Variants in SHANK1 observed in about 807,000 individuals in gnomAD.
The protein encoded by SHANK1 is SH3 and multiple ankyrin repeat domains 1.
In SHANK1, 35 loss-of-function variants were observed where a neutral mutation model predicts 165.6. That is an observed-to-expected ratio of 0.21 (90% CI 0.16 to 0.28). The LOEUF is 0.28. Among genes scored for constraint, SHANK1 ranks in the 10% least tolerant of loss-of-function variants. The probability of loss-of-function intolerance (pLI) is 1.00; values close to 1 mark genes in which losing one functional copy is unlikely to be tolerated. For synonymous variants in SHANK1, 1,428 were observed against 1,384.8 expected (o/e 1.03, Z -0.69); for missense variants, 2,681 against 3,036.4 (o/e 0.88, Z 2.75).
At chr19:50,673,095 A>T (rs1362268865) in intron 21 of SHANK1, among the ~76,000 whole-genome samples, 1 of 152,096 alleles carries the variant, frequency 6.6e-6, no homozygotes, top group Admixed American at 6.6e-5. Context: ...GGAGCAGCCC[A>T]CAGCCCACGA....
chr19:50,691,357 C>G (rs1986532794), intron 15 of SHANK1, among the ~76,000 whole-genome samples: 1 of 152,088 alleles, frequency 6.6e-6, no homozygotes, highest in Non-Finnish European at 1.5e-5. Context: ...TCTCCAAGGC[C>G]CCCCAGCAGC....
In SHANK1 at chr19:50,672,073, C is replaced by A. The variant is rs1413270409; in HGVS notation, c.2619G>T (p.Glu873Asp). Residue 873 changes from glutamate to aspartate, a missense_variant, in exon 22 of 24, where the codon GAG becomes GAT. Physicochemically the swap from Glu to Asp is conservative, Grantham distance 45. Coordinates refer to ENST00000293441, the MANE Select transcript of SHANK1 (RefSeq NM_016148.5). ...DPHHRAQPSYERPSFLPPGPG... is the reference protein window; with the variant it reads ...DPHHRAQPSYDRPSFLPPGPG... ...GTCCTGGAGGCAGGAAAGAAGGACG[C>A]TCGTAACTTGGCTGGGCACGGTGGT... 3 of 1,613,894 alleles carry A rather than the reference C, an allele frequency of 1.9e-6. No homozygotes were observed. The highest frequency in any genetic ancestry group is 3.3e-4 in the Middle Eastern group (2 of 6,084).
chr19:50,692,132 A>C (rs1204002441), intron 15 of SHANK1, among the ~76,000 whole-genome samples: 1 of 152,084 alleles, frequency 6.6e-6, no homozygotes, highest in Non-Finnish European at 1.5e-5. Flanking sequence ...ACAGCACCGA[A>C]ATACCTTGAG....
rs1265020830 is a variant in SHANK1, at chr19:50,661,890, A to AGTCAGGG, written c.*68_*74dup. On this transcript the variant is annotated 3_prime_UTR_variant, in exon 24 of 24. Transcript: ENST00000293441. ...GTCCCTGGCCCGGGGAGAGAATGAC[A>AGTCAGGG]GTCAGGGGTCAGAGGTCAAGAGGCC... 1.4e-5 allele frequency: 21 copies of AGTCAGGG among 1,506,126 alleles called. No homozygotes were observed. In the African/African-American group the frequency reaches 2.9e-4, roughly 21 times the overall value. The allele number at this position is 1,506,126 out of a possible 1,614,324, so 93.3% of individuals were successfully genotyped here.
rs1017341225 is a variant in SHANK1 at position 50,704,257 on chromosome 19, G to A, written c.1156-71C>T. On this transcript the variant is annotated intron_variant, in intron 9 of 23. Coordinates refer to ENST00000293441, the MANE Select transcript of SHANK1 (RefSeq NM_016148.5). ...GCAGAGAGAGGGCAGGGAACGTGGC[G>A]AGGTCCCTGGCCCGACCCAAACCTT... 8.0e-5 allele frequency: 121 copies of A among 1,503,354 alleles called. 1 individual carries two copies. The highest frequency in any genetic ancestry group is 6.8e-4 in the East Asian group (30 of 44,336). 93.1% of individuals were successfully genotyped at this position (1,503,354 alleles called of 1,614,324 possible).
chr19:50,691,872 T>TGG (rs1255039493), intron 15 of SHANK1, among the ~76,000 whole-genome samples: 3 of 151,896 alleles, frequency 2.0e-5, no homozygotes, highest in Non-Finnish European at 2.9e-5. Flanking sequence ...TTGGTAGAGA[T>TGG]GGGGGTCTCA....
intron 7 of SHANK1, among the ~76,000 whole-genome samples, 177 bp from the exon 8 acceptor site, chr19:50,711,664 C>T (rs2089012496): frequency 6.6e-6 from 1 of 152,218 alleles, no homozygotes; most frequent in African/African-American, 2.4e-5. Context: ...AGCCTCAAAA[C>T]CCAAATGTTC....
chr19:50,708,694 G>A (rs765937305), intron 8 of SHANK1, among the ~76,000 whole-genome samples: 15 of 152,166 alleles, frequency 9.9e-5, no homozygotes, highest in Non-Finnish European at 1.8e-4. Flanking sequence ...GTTGAAACAA[G>A]CAAACACCTG....
chr19:50,688,806 T>G lies in SHANK1; in HGVS notation c.2172+38A>C. On this transcript the variant is annotated intron_variant, in intron 17 of 23. Coordinates refer to ENST00000293441, the MANE Select transcript of SHANK1 (RefSeq NM_016148.5). This position sits in a 1 kb window ranked among gnomAD's most constrained non-coding sequence, Gnocchi z 6.7. ...AATCATGAGGGGGTCTGGGAACTTG[T>G]CACAGGGTCCCAGGGAAGAGAGGGG... 6.3e-7 allele frequency: 1 copy of G among 1,590,232 alleles called. No homozygotes were observed. The highest frequency in any genetic ancestry group is 8.6e-7 in the Non-Finnish European group (1 of 1,166,584).
In SHANK1 at chr19:50,659,548, C is replaced by G. The variant is rs1322606400; in HGVS notation, c.*2417G>C. Among the ~76,000 whole-genome samples the G allele has an allele frequency of 6.6e-6, 1 of 150,384 alleles. No individual in the cohort carries two copies. The highest frequency in any genetic ancestry group is 2.0e-4 in the East Asian group (1 of 5,048). ...GAGAATCAGACGTCCTCATCCGCCC[C>G]CCTCCTCTTCCCCTCCCACCCCCCC... is the stretch of plus-strand genomic sequence containing the variant. On this transcript the variant is annotated 3_prime_UTR_variant, in exon 24 of 24. Transcript: ENST00000293441.
rs1250809826 is a variant in SHANK1 at position 50,689,296 on chromosome 19, A to G, written c.1965-17T>C. ...ATGTAATCGCTGGCAGGGAGGCAGG[A>G]GAAATGGGGGGGTGGTGGGGGGAGT... On this transcript the variant is annotated splice_polypyrimidine_tract_variant and intron_variant, in intron 15 of 23. Transcript: ENST00000293441. The G allele has an allele frequency of 7.8e-7, 1 of 1,274,184 alleles. No homozygotes were observed. The allele number at this position is 1,274,184 out of a possible 1,614,324, so 78.9% of individuals were successfully genotyped here.
At position 50,716,753 on chromosome 19, in the gene SHANK1, C is replaced by T. The variant is rs1248881476; in HGVS notation, c.167G>A (p.Gly56Asp). 1 of 1,608,984 alleles carries T rather than the reference C, an allele frequency of 6.2e-7. No homozygotes were observed. The highest frequency in any genetic ancestry group is 8.5e-7 in the Non-Finnish European group (1 of 1,177,712). ...GAPGSLASVR[G>D]LQGRSMSVPD... ...GACGGACATTGAGCGGCCCTGGAGG[C>T]CTCTAACAGAGGCCAGGCTACCAGG... The change falls in exon 2 of 24, where the codon GGC (glycine) becomes GAC (aspartate). Residue 56 changes from glycine to aspartate, a missense_variant. Gly to Asp is a moderately conservative substitution (Grantham distance 94). Transcript: ENST00000293441. The surrounding 1 kb of genome is among the most constrained non-coding windows in gnomAD (Gnocchi z 8.4).
intron 22 of SHANK1, among the ~76,000 whole-genome samples, chr19:50,669,858 G>T (rs947470066): frequency 2.0e-5 from 3 of 152,008 alleles, no homozygotes; most frequent in African/African-American, 7.3e-5. Flanking sequence ...GACTTTGAAC[G>T]CCAGGAGTTG....
intron 23 of SHANK1, 30 bp downstream of exon 23, chr19:50,666,162 C>T (rs919787764): frequency 3.9e-6 from 6 of 1,533,520 alleles, no homozygotes; most frequent in African/African-American, 1.4e-5. Context: ...CACCTCTGGC[C>T]TCCCTTGTTG....
At position 50,659,903 on chromosome 19, in the gene SHANK1, G is replaced by T. The variant is rs1907570871; in HGVS notation, c.*2062C>A. On this transcript the variant is annotated 3_prime_UTR_variant, in exon 24 of 24. Coordinates refer to ENST00000293441, the MANE Select transcript of SHANK1 (RefSeq NM_016148.5). ...CGACAAGGGGGAGGGGGCGGGTAGG[G>T]GTCCAGCGCGGCCTCTGCCCCTCTC... Among the ~76,000 whole-genome samples, 1 of 149,748 alleles carries T rather than the reference G, an allele frequency of 6.7e-6. No individual in the cohort carries two copies. The highest frequency in any genetic ancestry group is 2.1e-4 in the South Asian group (1 of 4,708).
intron 21 of SHANK1, among the ~76,000 whole-genome samples, chr19:50,682,080 G>A (rs910449313): frequency 2.0e-5 from 3 of 148,074 alleles, no homozygotes; most frequent in East Asian, 2.0e-4. Context: ...TTTTTTAGAC[G>A]GAGTCTCGCT....
intron 12 of SHANK1, among the ~76,000 whole-genome samples, chr19:50,699,386 A>G (rs545269460): frequency 6.6e-6 from 1 of 152,288 alleles, no homozygotes; most frequent in South Asian, 2.1e-4. Context: ...GTATGATTGG[A>G]AGTTGGGGTC....
chr19:50,674,105 T>C (rs1985898398), intron 21 of SHANK1, among the ~76,000 whole-genome samples: 2 of 151,858 alleles, frequency 1.3e-5, no homozygotes. Flanking sequence ...ATTTTTTTTT[T>C]TTTTAATGCA....
Position 50,668,114 on chromosome 19 carries a change from C to T in SHANK1, c.3846G>A (p.Leu1282=). The change falls in exon 23 of 24, where the codon CTG becomes CTA. Residue 1282 remains leucine, a synonymous_variant. Transcript: ENST00000293441. ...CCTCGTCGATGGATTTGGAGTGGCGCAGCCGCGGGCCCGGGGCCGCCCCTG... is the reference window on the plus strand; with the variant it reads ...CCTCGTCGATGGATTTGGAGTGGCGTAGCCGCGGGCCCGGGGCCGCCCCTG... ...LGTGAAPGPR[L]RHSKSIDEGM... The T allele has an allele frequency of 6.8e-7, 1 of 1,476,396 alleles. No individual in the cohort carries two copies. Among genetic ancestry groups the T allele is most frequent in the East Asian group, 3.0e-5 (1 of 33,490 alleles). 91.5% of individuals were successfully genotyped at this position (1,476,396 alleles called of 1,614,324 possible). A position where few individuals can be genotyped will look rare whatever the true frequency, so the allele number is the denominator to read the frequency against.
Sources: gnomAD v4.1 joint callset for allele counts (sites outside exome capture counted in the v4.1 genomes callset) on GRCh38, gnomAD v4.1.1 for gene constraint, Gnocchi (gnomAD v3.1) non-coding constraint, MANE v1.5 for transcripts, NCBI Gene and HGNC (gene_info 2026-07-23, HGNC 2026-07-21) for gene names.